The following IPCEF1 variants were observed in gnomAD, a reference collection of about 807,000 sequenced individuals.
The protein encoded by IPCEF1 is interaction protein for cytohesin exchange factors 1.
A neutral mutation model predicts 50.9 loss-of-function variants in IPCEF1; 31 were observed. The ratio of observed to expected loss-of-function variants is 0.61; its 90% CI spans 0.46 to 0.82. The LOEUF (loss-of-function observed/expected upper bound fraction) is 0.82. Among genes scored for constraint, IPCEF1 ranks in the 40% least tolerant of loss-of-function variants. The probability of loss-of-function intolerance (pLI) is 0.00; values close to 1 mark genes in which losing one functional copy is unlikely to be tolerated. For synonymous variants in IPCEF1, 181 were observed against 192.0 expected (o/e 0.94, Z 0.47); for missense variants, 458 against 514.0 (o/e 0.89, Z 1.05).
At chr6:154,167,141 C>T (rs1015300363) in intron 11 of IPCEF1, among the ~76,000 whole-genome samples, 2 of 152,200 alleles carry the variant, frequency 1.3e-5, no homozygotes, top group African/African-American at 4.8e-5. Context: ...AAACAAAATT[C>T]ACTTACAGAA....
At chr6:154,254,659 C>A (rs908411148) in intron 3 of IPCEF1, among the ~76,000 whole-genome samples, 2 of 152,206 alleles carry the variant, frequency 1.3e-5, no homozygotes, top group African/African-American at 4.8e-5. Context: ...TTTTATATCT[C>A]TCTTTAATTT....
intron 3 of IPCEF1, among the ~76,000 whole-genome samples, chr6:154,251,757 C>T (rs1781342423): frequency 6.6e-6 from 1 of 151,310 alleles, no homozygotes. Flanking sequence ...GCACTTTCCA[C>T]CTAGAAGAGG....
intron 2 of IPCEF1, among the ~76,000 whole-genome samples, chr6:154,266,509 T>C (rs1781757223): frequency 6.7e-6 from 1 of 150,132 alleles, no homozygotes; most frequent in East Asian, 1.9e-4. Flanking sequence ...TTGTCAATAT[T>C]CTTTTCAAGT....
chr6:154,221,465 T>C (rs1440450163), intron 6 of IPCEF1, 137 bp from the exon 7 acceptor site: 15 of 680,306 alleles, frequency 2.2e-5, no homozygotes, highest in Non-Finnish European at 3.5e-5. Context: ...AATTTAGTAA[T>C]ATTAGATACC....
In IPCEF1 at chr6:154,281,047, T is replaced by G. The variant is rs368457151; in HGVS notation, c.-18+8666A>C. Among the ~76,000 whole-genome samples, 12 of 151,326 alleles carry G rather than the reference T, an allele frequency of 7.9e-5. No homozygotes were observed. In the East Asian group the frequency reaches 1.9e-3, roughly 25 times the overall value. On this transcript the variant is annotated intron_variant, in intron 2 of 11. Transcript: ENST00000367220. Reference sequence around the variant, plus strand: ...AGAATCCCCATCTCAACAAAAAAATTTAAAAATTAAGGCCAGTCGCAGTGG... The same window carrying G: ...AGAATCCCCATCTCAACAAAAAAATGTAAAAATTAAGGCCAGTCGCAGTGG...
At chr6:154,175,972 C>T (rs1800289951) in intron 10 of IPCEF1, among the ~76,000 whole-genome samples, 1 of 152,178 alleles carries the variant, frequency 6.6e-6, no homozygotes, top group South Asian at 2.1e-4. Context: ...AGCTTATCCA[C>T]CACAATCAAG....
At chr6:154,204,495 G>A (rs1777323385) in intron 9 of IPCEF1, among the ~76,000 whole-genome samples, 1 of 152,168 alleles carries the variant, frequency 6.6e-6, no homozygotes, top group Admixed American at 6.5e-5. Flanking sequence ...GCCCCAGGAA[G>A]TATCATGTTT....
At chr6:154,313,070 A>AAAAAAAAAC (rs1157153542) in intron 1 of IPCEF1, among the ~76,000 whole-genome samples, 4 of 147,964 alleles carry the variant, frequency 2.7e-5, no homozygotes, top group Non-Finnish European at 6.0e-5. Flanking sequence ...CCTGTCTCAA[A>AAAAAAAAAC]AAAAAAAAAA....
intron 2 of IPCEF1, among the ~76,000 whole-genome samples, chr6:154,271,156 C>A (rs562365731): frequency 2.0e-5 from 3 of 151,284 alleles, no homozygotes; most frequent in South Asian, 4.2e-4. Flanking sequence ...GTCAGGAGTT[C>A]AAGAGCAGTC....
At position 154,198,740 on chromosome 6, in the gene IPCEF1, A is replaced by G. The variant is rs185473392; in HGVS notation, c.910+928T>C. Among the ~76,000 whole-genome samples, 34 of 152,210 alleles carry G rather than the reference A, an allele frequency of 2.2e-4. No homozygotes were observed. The East Asian group carries it at 6.4e-3, about 29-fold the overall frequency. The stretch of plus-strand genomic sequence containing the variant: ...TAAATTAGCAGGGTACCCATCTGAA[A>G]TTTGAGAACTTAAAGAAACATTCCC... On this transcript the variant is annotated intron_variant, in intron 10 of 11. Transcript: ENST00000367220.
At chr6:154,279,071 G>C (rs1452815651) in intron 2 of IPCEF1, among the ~76,000 whole-genome samples, 1 of 150,688 alleles carries the variant, frequency 6.6e-6, no homozygotes, top group Non-Finnish European at 1.5e-5. Context: ...GTTGCACTGA[G>C]TTGAGATCGT....
intron 11 of IPCEF1, among the ~76,000 whole-genome samples, chr6:154,167,635 T>C (rs1799545339): frequency 6.6e-6 from 1 of 152,164 alleles, no homozygotes; most frequent in South Asian, 2.1e-4. Flanking sequence ...AAAAACAAAT[T>C]ATGCATGGTC....
chr6:154,166,260 A>G (rs573891024), intron 11 of IPCEF1, among the ~76,000 whole-genome samples: 3 of 152,362 alleles, frequency 2.0e-5, no homozygotes, highest in South Asian at 4.1e-4. Flanking sequence ...GAATGGTAAC[A>G]CTAATTCTTT....
chr6:154,168,507 G>A lies in IPCEF1; in HGVS notation c.911-394C>T, dbSNP rs1445719909. The stretch of plus-strand genomic sequence containing the variant: ...CTGCCCTATTAACTCATCTTAACTA[G>A]TTAAATCTGCAACAACCCCATTTCC... On this transcript the variant is annotated intron_variant, in intron 10 of 11. Transcript: ENST00000367220. The surrounding 1 kb of genome is among the most constrained non-coding windows in gnomAD (Gnocchi z 4.1). Among the ~76,000 whole-genome samples the A allele has an allele frequency of 2.0e-5, 3 of 152,058 alleles. No individual in the cohort carries two copies. The highest frequency in any genetic ancestry group is 1.3e-4 in the Admixed American group (2 of 15,268).
chr6:154,173,823 G>A (rs1478441654), intron 10 of IPCEF1, among the ~76,000 whole-genome samples: 7 of 152,054 alleles, frequency 4.6e-5, no homozygotes, highest in Admixed American at 1.3e-4. Flanking sequence ...TACAGAGAAC[G>A]CCACAAAGAT....
At chr6:154,278,203 G>A (rs1562576727) in intron 2 of IPCEF1, among the ~76,000 whole-genome samples, 1 of 152,122 alleles carries the variant, frequency 6.6e-6, no homozygotes, top group African/African-American at 2.4e-5. Context: ...TAATTTAACA[G>A]ATATGTTTAA....
chr6:154,321,033 C>A (rs1367333177), intron 1 of IPCEF1, among the ~76,000 whole-genome samples: 1 of 152,010 alleles, frequency 6.6e-6, no homozygotes, highest in African/African-American at 2.4e-5. Flanking sequence ...TGGGCTCAAG[C>A]AATCCTCCCA....
intron 1 of IPCEF1, among the ~76,000 whole-genome samples, chr6:154,306,471 A>C (rs953107435): frequency 1.4e-4 from 21 of 152,212 alleles, no homozygotes; most frequent in Non-Finnish European, 7.3e-5. Context: ...TCCTGCGTTC[A>C]AGGTATCCTC....
At chr6:154,307,191 C>G (rs1475836726) in intron 1 of IPCEF1, among the ~76,000 whole-genome samples, 2 of 152,174 alleles carry the variant, frequency 1.3e-5, no homozygotes, top group Non-Finnish European at 1.5e-5. Flanking sequence ...TCCCATAATT[C>G]CCATGTGTTG....
Sources: gnomAD v4.1 joint callset for allele counts (sites outside exome capture counted in the v4.1 genomes callset) on GRCh38, gnomAD v4.1.1 for gene constraint, Gnocchi (gnomAD v3.1) non-coding constraint, MANE v1.5 for transcripts, NCBI Gene and HGNC (gene_info 2026-07-23, HGNC 2026-07-21) for gene names.